Variants in ATXN1 observed in about 807,000 individuals in gnomAD.
The protein encoded by ATXN1 is ataxin-1.
In ATXN1, 8 loss-of-function variants were observed where a neutral mutation model predicts 56.4. The observed-to-expected ratio is 0.14, with a 90% CI of 0.08 to 0.26. The LOEUF (loss-of-function observed/expected upper bound fraction) is 0.26. ATXN1 is among the 10% of genes least tolerant of loss of function. The pLI, the probability that ATXN1 is intolerant of heterozygous loss-of-function variation, is 1.00. For missense variants in ATXN1, 987 were observed against 1,106.5 expected, an observed-to-expected ratio of 0.89 and a Z score of 1.53; for synonymous variants, 514 against 494.6, an observed-to-expected ratio of 1.04 and a Z score of -0.52.
chr6:16,366,696 ACTTGAACC>A (rs1364063068), intron 6 of ATXN1, among the ~76,000 whole-genome samples: 3 of 151,150 alleles, frequency 2.0e-5, no homozygotes, highest in Non-Finnish European at 4.4e-5. Flanking sequence ...CAGGAGAATC[ACTTGAACC>A]CGGGAGGTGG....
chr6:16,680,023 GT>G (rs1410212504), intron 2 of ATXN1, among the ~76,000 whole-genome samples: 3 of 152,282 alleles, frequency 2.0e-5, no homozygotes, highest in East Asian at 3.9e-4. Flanking sequence ...AAAGCACATA[GT>G]CAAGTAAGTG....
intron 2 of ATXN1, among the ~76,000 whole-genome samples, chr6:16,732,661 G>T (rs1760017356): frequency 6.6e-6 from 1 of 152,044 alleles, no homozygotes; most frequent in South Asian, 2.1e-4. Flanking sequence ...TCTATAAAGG[G>T]TGCACACTGT....
chr6:16,737,341 G>A (rs1021619442), intron 2 of ATXN1: 3 of 152,196 alleles, frequency 2.0e-5, no homozygotes, highest in Admixed American at 1.3e-4. Flanking sequence ...AACAGCTAGT[G>A]TAATATTGTA....
intron 6 of ATXN1, among the ~76,000 whole-genome samples, chr6:16,433,592 G>A (rs1019674740): frequency 3.3e-5 from 5 of 152,196 alleles, no homozygotes; most frequent in African/African-American, 9.7e-5. Context: ...TTTTAATGCC[G>A]TTGGGGCTAC....
At chr6:16,594,491 A>T (rs201798205) in intron 3 of ATXN1, among the ~76,000 whole-genome samples, 12,377 of 127,772 alleles carry the variant, frequency 0.097, 1,579 homozygotes, top group African/African-American at 0.31. Context: ...TTTTTTATTT[A>T]TTTATTTTTT....
chr6:16,417,564 G>A (rs902744082), intron 6 of ATXN1, among the ~76,000 whole-genome samples: 16 of 151,552 alleles, frequency 1.1e-4, no homozygotes, highest in African/African-American at 3.6e-4. Flanking sequence ...TCAGCCTCCC[G>A]AGTAGCTAGG....
intron 2 of ATXN1, among the ~76,000 whole-genome samples, chr6:16,728,686 T>G (rs747934209): frequency 3.3e-5 from 5 of 152,238 alleles, no homozygotes; most frequent in Non-Finnish European, 5.9e-5. Flanking sequence ...ACATTGACTA[T>G]AATCCCCACT....
intron 4 of ATXN1, among the ~76,000 whole-genome samples, chr6:16,581,381 G>C (rs1762527960): frequency 1.3e-5 from 2 of 152,062 alleles, no homozygotes; most frequent in South Asian, 4.1e-4. Flanking sequence ...CAGCTGACCA[G>C]GGAGGGATAC....
chr6:16,354,490 C>G (rs565303385), intron 6 of ATXN1, among the ~76,000 whole-genome samples: 26 of 152,242 alleles, frequency 1.7e-4, no homozygotes, highest in African/African-American at 5.8e-4. Context: ...ATCTCCTGAC[C>G]TCCTGATCTA....
At chr6:16,390,708 G>A (rs199888472) in intron 6 of ATXN1, among the ~76,000 whole-genome samples, 88 of 127,122 alleles carry the variant, frequency 6.9e-4, no homozygotes, top group African/African-American at 2.5e-3. Flanking sequence ...ACACACACAC[G>A]CATGCACACA....
chr6:16,746,061 G>A (rs1167230954), intron 2 of ATXN1, among the ~76,000 whole-genome samples: 1 of 151,618 alleles, frequency 6.6e-6, no homozygotes, highest in African/African-American at 2.4e-5. Context: ...CTGTGAGTTA[G>A]GTGATATTAT....
intron 2 of ATXN1, among the ~76,000 whole-genome samples, chr6:16,748,397 T>C (rs1418013496): frequency 1.3e-5 from 2 of 152,196 alleles, no homozygotes; most frequent in Non-Finnish European, 2.9e-5. Flanking sequence ...TGCACTCGAC[T>C]GTAAGCTTCT....
chr6:16,663,591 A>C (rs1381586237), intron 2 of ATXN1, among the ~76,000 whole-genome samples: 1 of 152,124 alleles, frequency 6.6e-6, no homozygotes, highest in Non-Finnish European at 1.5e-5. Flanking sequence ...TATCAGTCTC[A>C]TGTCTTAGGA....
rs11310261 is a variant in ATXN1 at position 16,638,445 on chromosome 6, CAAA to C, written c.-489+19328_-489+19330del. On this transcript the variant is annotated intron_variant, in intron 3 of 7. Coordinates refer to ENST00000436367, the MANE Select transcript of ATXN1 (RefSeq NM_001128164.2). ...TGGATGACAGAGCTAGACGCTGCCTCAAAAAAAAAAAAAAAAAAAAAAACTGCA... is the reference window on the plus strand; with the variant it reads ...TGGATGACAGAGCTAGACGCTGCCTCAAAAAAAAAAAAAAAAAAAACTGCA... Among the ~76,000 whole-genome samples the C allele has an allele frequency of 2.1e-3, 190 of 92,584 alleles. 1 individual carries two copies. Among genetic ancestry groups the C allele is most frequent in the African/African-American group, 7.6e-3 (181 of 23,892 alleles). The allele number at this position is 92,584 out of a possible 152,430, so 60.7% of individuals were successfully genotyped here.
intron 6 of ATXN1, among the ~76,000 whole-genome samples, chr6:16,376,768 A>G (rs1404848913): frequency 6.6e-6 from 1 of 152,222 alleles, no homozygotes; most frequent in Non-Finnish European, 1.5e-5. Flanking sequence ...AAACTCTGAA[A>G]TCACTTCTTT....
intron 4 of ATXN1, among the ~76,000 whole-genome samples, chr6:16,558,675 C>T (rs1252933026): frequency 2.0e-5 from 3 of 152,020 alleles, no homozygotes; most frequent in South Asian, 2.1e-4. Context: ...CTGGCCAAAA[C>T]TATTATTTTT....
intron 2 of ATXN1, among the ~76,000 whole-genome samples, chr6:16,714,155 AAAAG>A (rs1366968331): frequency 1.1e-5 from 1 of 87,538 alleles, no homozygotes; most frequent in Non-Finnish European, 2.2e-5. Flanking sequence ...ACTGTAGAAA[AAAAG>A]AAAGAAAAAA....
At chr6:16,590,182 T>C (rs1467337192) in intron 3 of ATXN1, among the ~76,000 whole-genome samples, 2 of 152,214 alleles carry the variant, frequency 1.3e-5, no homozygotes, top group Non-Finnish European at 2.9e-5. Flanking sequence ...ATTTGACTAA[T>C]GAATATGCCA....
intron 2 of ATXN1, among the ~76,000 whole-genome samples, chr6:16,699,344 G>C (rs1026333291): frequency 1.3e-5 from 2 of 152,178 alleles, no homozygotes; most frequent in Non-Finnish European, 2.9e-5. Context: ...CTATGTCCCT[G>C]TCATTTACTA....
Sources: gnomAD v4.1 joint callset for allele counts (sites outside exome capture counted in the v4.1 genomes callset) on GRCh38, gnomAD v4.1.1 for gene constraint, MANE v1.5 for transcripts, NCBI Gene and HGNC (gene_info 2026-07-23, HGNC 2026-07-21) for gene names.